The following BUB3 variants were observed in gnomAD, a reference collection of about 807,000 sequenced individuals.
The protein encoded by BUB3 is mitotic checkpoint protein BUB3.
BUB3 carries 22 observed loss-of-function variants against 39.9 expected under a neutral mutation model. The ratio of observed to expected loss-of-function variants is 0.55; its 90% CI spans 0.39 to 0.79. BUB3 has a LOEUF of 0.79. Ranked by LOEUF, BUB3 falls within the 30% of genes least tolerant of loss-of-function variation. The probability of loss-of-function intolerance (pLI) is 0.00; values close to 1 mark genes in which losing one functional copy is unlikely to be tolerated. For missense variants in BUB3, 303 were observed against 415.4 expected (o/e 0.73, Z 2.35); for synonymous variants, 168 against 155.1 (o/e 1.08, Z -0.62).
In BUB3 at chr10:123,164,266, A is replaced by C; in HGVS notation, c.*431A>C. ...TAGTTGCTAATTCTAAAGCTGCTTC[A>C]GACTGCTTCATGAGGAGGTTAATCT... On this transcript the variant is annotated 3_prime_UTR_variant, in exon 8 of 8. Transcript: ENST00000368865. 1.0e-6 allele frequency: 1 copy of C among 988,160 alleles called. No individual in the cohort carries two copies. The highest frequency in any genetic ancestry group is 1.2e-6 in the Non-Finnish European group (1 of 831,990). The allele number at this position is 988,160 out of a possible 1,614,324, so 61.2% of individuals were successfully genotyped here.
rs1189992986 is a variant in BUB3 at position 123,170,093 on chromosome 10, C to T, written c.*6258C>T. 3.9e-5 allele frequency: 6 copies of T among 152,112 alleles called. No homozygotes were observed. The highest frequency in any genetic ancestry group is 8.8e-5 in the Non-Finnish European group (6 of 68,026). 9.4% of individuals were successfully genotyped at this position (152,112 alleles called of 1,614,324 possible). On this transcript the variant is annotated 3_prime_UTR_variant, in exon 8 of 8. Transcript: ENST00000368865. ...TAAAATTTCTGAGCCTTATTTTCCT[C>T]ATCTGTAAAATGAAGAGAATACCTA...
In BUB3 at chr10:123,164,310, C is replaced by T. The variant is rs1228345571; in HGVS notation, c.*475C>T. 10 of 985,912 alleles carry T rather than the reference C, an allele frequency of 1.0e-5. No homozygotes were observed. The highest frequency in any genetic ancestry group is 4.7e-5 in the South Asian group (1 of 21,322). The allele number at this position is 985,912 out of a possible 1,614,324, so 61.1% of individuals were successfully genotyped here. ...TTAATCTACAATTAAACAATATTTC[C>T]TCTTGGCCGTCCATTATTTTCTGAA... is the stretch of plus-strand genomic sequence containing the variant. On this transcript the variant is annotated 3_prime_UTR_variant, in exon 8 of 8. Coordinates refer to ENST00000368865, the MANE Select transcript of BUB3 (RefSeq NM_004725.4).
intron 4 of BUB3, among the ~76,000 whole-genome samples, chr10:123,159,160 A>T (rs757380199): frequency 6.6e-6 from 1 of 152,150 alleles, no homozygotes; most frequent in Non-Finnish European, 1.5e-5. Flanking sequence ...TATTAAATCT[A>T]TTGTTTTGAA....
chr10:123,160,850 C>G (rs1481065946), intron 5 of BUB3, among the ~76,000 whole-genome samples: 1 of 152,076 alleles, frequency 6.6e-6, no homozygotes, highest in East Asian at 1.9e-4. Context: ...GATCCTGGTC[C>G]AGGATGCTTC....
At chr10:123,159,643 T>C (rs952899680) in intron 4 of BUB3, among the ~76,000 whole-genome samples, 1 of 152,212 alleles carries the variant, frequency 6.6e-6, no homozygotes, top group African/African-American at 2.4e-5. Flanking sequence ...GGAATTTTTG[T>C]GGAAAGTTTA....
intron 2 of BUB3, 64 bp downstream of exon 2, chr10:123,155,176 G>GT: frequency 1.9e-6 from 3 of 1,541,428 alleles, no homozygotes; most frequent in Non-Finnish European, 2.6e-6. Flanking sequence ...CGTGAGGAGC[G>GT]TTTCTTTTCC....
At chr10:123,157,632 T>G in intron 3 of BUB3, 97 bp from the exon 4 acceptor site, 1 of 1,400,762 alleles carries the variant, frequency 7.1e-7, no homozygotes, top group Non-Finnish European at 9.6e-7. Context: ...TTCATTACAG[T>G]TGAATGAATG....
intron 3 of BUB3, 51 bp downstream of exon 3, chr10:123,155,778 GTA>G (rs1216476503): frequency 1.3e-6 from 2 of 1,552,624 alleles, no homozygotes; most frequent in African/African-American, 1.4e-5. Flanking sequence ...GTGTTCTTAA[GTA>G]TAAATGTTTA....
At position 123,165,080 on chromosome 10, in the gene BUB3, T is replaced by C; in HGVS notation, c.*1245T>C. 6.2e-7 allele frequency: 1 copy of C among 1,608,260 alleles called. No homozygotes were observed. The highest frequency in any genetic ancestry group is 8.5e-7 in the Non-Finnish European group (1 of 1,176,410). On this transcript the variant is annotated 3_prime_UTR_variant, in exon 8 of 8. Transcript: ENST00000368865. ...AATCATCCTGTGAAAGTGGTTTCTCTATGGAAAGCTTTGTTTGCTTCCTAC... is the reference window on the plus strand; with the variant it reads ...AATCATCCTGTGAAAGTGGTTTCTCCATGGAAAGCTTTGTTTGCTTCCTAC...
rs1279796026 is a variant in BUB3, at chr10:123,168,220, T to C, written c.*4385T>C. On this transcript the variant is annotated 3_prime_UTR_variant, in exon 8 of 8. Transcript: ENST00000368865. ...AGGGCTCCAGAACTTACTCATCTCA[T>C]AGGAGGCAGCTACTTTTAACATTCT... 1 of 152,264 alleles carries C rather than the reference T, an allele frequency of 6.6e-6. No homozygotes were observed. The highest frequency in any genetic ancestry group is 1.5e-5 in the Non-Finnish European group (1 of 68,050). 9.4% of individuals were successfully genotyped at this position (152,264 alleles called of 1,614,324 possible).
rs1253204422 is a variant in BUB3, at chr10:123,164,553, G to A, written c.*718G>A. ...CAGTAATGAGCTGAGAAAAGACAGA[G>A]CATATCTGTGTATTTGGAAAAATAA... On this transcript the variant is annotated 3_prime_UTR_variant, in exon 8 of 8. Coordinates refer to ENST00000368865, the MANE Select transcript of BUB3 (RefSeq NM_004725.4). 1.0e-6 allele frequency: 1 copy of A among 986,874 alleles called. No individual in the cohort carries two copies. The highest frequency in any genetic ancestry group is 1.7e-5 in the African/African-American group (1 of 57,260). The allele number at this position is 986,874 out of a possible 1,614,324, so 61.1% of individuals were successfully genotyped here.
In BUB3 at chr10:123,168,966, T is replaced by G. The variant is rs1202065939; in HGVS notation, c.*5131T>G. 2.6e-5 allele frequency: 4 copies of G among 152,292 alleles called. No homozygotes were observed. Among genetic ancestry groups the G allele is most frequent in the Non-Finnish European group, 5.9e-5 (4 of 68,106 alleles). The allele number at this position is 152,292 out of a possible 1,614,324, so 9.4% of individuals were successfully genotyped here. A position where few individuals can be genotyped will look rare whatever the true frequency, so the allele number is the denominator to read the frequency against. On this transcript the variant is annotated 3_prime_UTR_variant, in exon 8 of 8. Coordinates refer to ENST00000368865, the MANE Select transcript of BUB3 (RefSeq NM_004725.4). ...GCCAAAAGATTGGACACCCCTGCCC[T>G]AGAGCATCTGACGCCTGGATACAAA... is the stretch of plus-strand genomic sequence containing the variant.
intron 3 of BUB3, among the ~76,000 whole-genome samples, chr10:123,156,718 G>A (rs944195682): frequency 2.0e-5 from 3 of 149,720 alleles, no homozygotes; most frequent in African/African-American, 7.4e-5. Context: ...GAAAGTCACT[G>A]CCAAACTTCA....
chr10:123,156,473 C>T (rs1024845474), intron 3 of BUB3, among the ~76,000 whole-genome samples: 13 of 152,162 alleles, frequency 8.5e-5, no homozygotes, highest in African/African-American at 2.9e-4. Context: ...AGGATGGCCA[C>T]ATTTTGTCAA....
intron 3 of BUB3, among the ~76,000 whole-genome samples, chr10:123,156,006 T>C (rs1371188414): frequency 6.6e-6 from 1 of 152,234 alleles, no homozygotes; most frequent in Non-Finnish European, 1.5e-5. Flanking sequence ...TCCTTAGAAG[T>C]GGGCTGGATC....
rs576379747 is a variant in BUB3, at chr10:123,164,481, T to C, written c.*646T>C. The C allele has an allele frequency of 1.0e-6, 1 of 985,662 alleles. No homozygotes were observed. Among genetic ancestry groups the C allele is most frequent in the African/African-American group, 1.7e-5 (1 of 57,360 alleles). The allele number at this position is 985,662 out of a possible 1,614,324, so 61.1% of individuals were successfully genotyped here. On this transcript the variant is annotated 3_prime_UTR_variant, in exon 8 of 8. Coordinates refer to ENST00000368865, the MANE Select transcript of BUB3 (RefSeq NM_004725.4). ...AATATCATTTTGTGACTGTAAACAA[T>C]TATTTATTAGCAAACAATTGATCCC...
At chr10:123,158,274 T>A (rs1844375980) in intron 4 of BUB3, among the ~76,000 whole-genome samples, 1 of 152,214 alleles carries the variant, frequency 6.6e-6, no homozygotes, top group Non-Finnish European at 1.5e-5. Flanking sequence ...GAGGTTTCTT[T>A]GGGTTGACTG....
rs1266024018 is a variant in BUB3, at chr10:123,154,924, G to A, written c.7G>A (p.Gly3Ser). 6.2e-7 allele frequency: 1 copy of A among 1,612,986 alleles called. No homozygotes were observed. Among genetic ancestry groups the A allele is most frequent in the Non-Finnish European group, 8.5e-7 (1 of 1,179,448 alleles). MT[G>S]SNEFKLNQPP... ...CTGGGCGCCTGTTCTGCAGATGACCGGTTCTAACGAGTTCAAGCTGAACCA... is the reference window on the plus strand; with the variant it reads ...CTGGGCGCCTGTTCTGCAGATGACCAGTTCTAACGAGTTCAAGCTGAACCA... The change falls in exon 2 of 8, where the codon GGT (glycine) becomes AGT (serine). Residue 3 changes from glycine to serine, a missense_variant. Coordinates refer to ENST00000368865, the MANE Select transcript of BUB3 (RefSeq NM_004725.4).
chr10:123,164,020 A>AGATGGTTT lies in BUB3; in HGVS notation c.*195_*202dup. 1 of 1,299,294 alleles carries AGATGGTTT rather than the reference A, an allele frequency of 7.7e-7. No individual in the cohort carries two copies. Among genetic ancestry groups the AGATGGTTT allele is most frequent in the Non-Finnish European group, 9.8e-7 (1 of 1,022,834 alleles). 80.5% of individuals were successfully genotyped at this position (1,299,294 alleles called of 1,614,324 possible). On this transcript the variant is annotated 3_prime_UTR_variant, in exon 8 of 8. Coordinates refer to ENST00000368865, the MANE Select transcript of BUB3 (RefSeq NM_004725.4). ...AAATAAACACCTTCTTAAGTGCATG[A>AGATGGTTT]GATGGTTTGATGGTTTGCTGCATTA...
Sources: gnomAD v4.1 joint callset for allele counts (sites outside exome capture counted in the v4.1 genomes callset) on GRCh38, gnomAD v4.1.1 for gene constraint, MANE v1.5 for transcripts, NCBI Gene and HGNC (gene_info 2026-07-23, HGNC 2026-07-21) for gene names.